Variants in RBFOX1 observed in about 807,000 individuals in gnomAD.
RBFOX1 encodes RNA binding fox-1 homolog 1.
RBFOX1 carries 8 observed loss-of-function variants against 57.7 expected under a neutral mutation model. The ratio of observed to expected loss-of-function variants is 0.14; its 90% CI spans 0.08 to 0.25. The LOEUF is 0.25. Ranked by LOEUF, RBFOX1 falls within the 10% of genes least tolerant of loss-of-function variation. The pLI, the probability that RBFOX1 is intolerant of heterozygous loss-of-function variation, is 1.00. For synonymous variants in RBFOX1, 326 were observed against 222.4 expected (o/e 1.47, Z -4.15); for missense variants, 611 against 548.5 (o/e 1.11, Z -1.14).
At chr16:5,495,430 A>G (rs917533025) in intron 2 of RBFOX1, among the ~76,000 whole-genome samples, 2 of 152,232 alleles carry the variant, frequency 1.3e-5, no homozygotes, top group Admixed American at 6.5e-5. Context: ...AGGAATATCC[A>G]GTCCCATCAT....
chr16:6,328,202 C>G (rs1236683807), intron 2 of RBFOX1, among the ~76,000 whole-genome samples: 2 of 152,138 alleles, frequency 1.3e-5, no homozygotes, highest in African/African-American at 4.8e-5. Context: ...ATCGTATGTT[C>G]TGACTCATAA....
chr16:6,526,627 A>G (rs1380861795), intron 2 of RBFOX1, among the ~76,000 whole-genome samples: 4 of 151,890 alleles, frequency 2.6e-5, no homozygotes, highest in Non-Finnish European at 2.9e-5. Flanking sequence ...TCAGGAAATC[A>G]AGACCATCCT....
chr16:6,474,551 C>T (rs984989885), intron 2 of RBFOX1, among the ~76,000 whole-genome samples: 33 of 152,310 alleles, frequency 2.2e-4, no homozygotes, highest in African/African-American at 7.9e-4. Context: ...ATTTAAATTG[C>T]TCCTCATCAC....
At chr16:7,360,011 A>G (rs1427306888) in intron 4 of RBFOX1, among the ~76,000 whole-genome samples, 3 of 151,082 alleles carry the variant, frequency 2.0e-5, no homozygotes, top group African/African-American at 7.3e-5. Context: ...AAACAAACAA[A>G]AAAACCACTC....
chr16:7,573,980 A>G (rs1251052918), intron 5 of RBFOX1, among the ~76,000 whole-genome samples: 2 of 152,184 alleles, frequency 1.3e-5, no homozygotes, highest in Admixed American at 6.5e-5. Flanking sequence ...GGTTTGTCCT[A>G]TTAGCAAGTT....
At chr16:5,800,869 G>A (rs1232497869) in intron 3 of RBFOX1, among the ~76,000 whole-genome samples, 3 of 152,076 alleles carry the variant, frequency 2.0e-5, no homozygotes, top group Non-Finnish European at 4.4e-5. Context: ...ACGGGAGGCG[G>A]TCCTAGGGCA....
At chr16:7,463,564 C>G (rs892850698) in intron 4 of RBFOX1, among the ~76,000 whole-genome samples, 2 of 152,158 alleles carry the variant, frequency 1.3e-5, no homozygotes, top group African/African-American at 4.8e-5. Flanking sequence ...GATGTAATCA[C>G]CTCCTTAAGG....
chr16:7,609,553 G>A (rs2057019056), intron 10 of RBFOX1, among the ~76,000 whole-genome samples: 1 of 152,076 alleles, frequency 6.6e-6, no homozygotes. Flanking sequence ...TAAGTTAGAG[G>A]AAAAGAAAAT....
At chr16:6,851,113 T>G (rs901792930) in intron 3 of RBFOX1, among the ~76,000 whole-genome samples, 2 of 152,160 alleles carry the variant, frequency 1.3e-5, no homozygotes, top group Non-Finnish European at 2.9e-5. Context: ...CACTCCCTTG[T>G]GGTGAGTGGA....
intron 3 of RBFOX1, among the ~76,000 whole-genome samples, chr16:6,868,203 C>T (rs1044382260): frequency 6.6e-6 from 1 of 152,000 alleles, no homozygotes; most frequent in Non-Finnish European, 1.5e-5. Flanking sequence ...ATGTTACAGC[C>T]TCCAAGTCAT....
intron 3 of RBFOX1, among the ~76,000 whole-genome samples, chr16:6,661,399 G>C (rs2098700680): frequency 6.6e-6 from 1 of 152,196 alleles, no homozygotes; most frequent in Admixed American, 6.5e-5. Context: ...TCCAGTGTGT[G>C]TGTCTGAGAT....
chr16:5,452,108 C>G (rs1302094460), intron 1 of RBFOX1, among the ~76,000 whole-genome samples: 2 of 143,244 alleles, frequency 1.4e-5, no homozygotes, highest in African/African-American at 2.7e-5. Context: ...TTATCTCTCT[C>G]TCTCTCTCTT....
chr16:7,216,985 T>G (rs2092153063), intron 4 of RBFOX1, among the ~76,000 whole-genome samples: 1 of 136,256 alleles, frequency 7.3e-6, no homozygotes, highest in African/African-American at 2.9e-5. Flanking sequence ...CAGCAGGATT[T>G]TCCTTCCTTC....
chr16:7,480,388 C>G (rs1033286937), intron 4 of RBFOX1, among the ~76,000 whole-genome samples: 1 of 152,142 alleles, frequency 6.6e-6, no homozygotes. Context: ...GAGATAACAC[C>G]TAGTATATAG....
At chr16:5,683,107 C>T (rs752541316) in intron 3 of RBFOX1, among the ~76,000 whole-genome samples, 32 of 143,130 alleles carry the variant, frequency 2.2e-4, no homozygotes, top group Non-Finnish European at 3.7e-4. Flanking sequence ...TTGCTAAGGT[C>T]TTGCCCTCTA....
chr16:7,403,926 T>A (rs2098288392), intron 4 of RBFOX1, among the ~76,000 whole-genome samples: 1 of 150,352 alleles, frequency 6.7e-6, no homozygotes, highest in African/African-American at 2.4e-5. Context: ...TATATATATA[T>A]AACCTTTTTA....
At chr16:6,143,856 T>A (rs1011351799) in intron 1 of RBFOX1, among the ~76,000 whole-genome samples, 1 of 151,882 alleles carries the variant, frequency 6.6e-6, no homozygotes, top group Non-Finnish European at 1.5e-5. Flanking sequence ...AGTACAGTGG[T>A]GCATTCACTG....
chr16:5,654,100 C>T (rs747350485), intron 3 of RBFOX1, among the ~76,000 whole-genome samples: 46 of 152,164 alleles, frequency 3.0e-4, no homozygotes, highest in Non-Finnish European at 5.6e-4. Context: ...AGTGAGGACA[C>T]GTCTGGGTCA....
At chr16:5,791,996 T>G (rs2151733274) in intron 3 of RBFOX1, among the ~76,000 whole-genome samples, 1 of 152,244 alleles carries the variant, frequency 6.6e-6, no homozygotes, top group East Asian at 1.9e-4. Flanking sequence ...TGAGGATGAC[T>G]TTGGCAGGGC....
Sources: gnomAD v4.1 joint callset for allele counts (sites outside exome capture counted in the v4.1 genomes callset) on GRCh38, gnomAD v4.1.1 for gene constraint, MANE v1.5 for transcripts, NCBI Gene and HGNC (gene_info 2026-07-23, HGNC 2026-07-21) for gene names.